The following GLYATL3 variants were observed in gnomAD, a reference collection of about 807,000 sequenced individuals.
GLYATL3 encodes the protein glycine-N-acyltransferase like 3, also known as glycine N-acyltransferase-like protein 3.
A neutral mutation model predicts 28.5 loss-of-function variants in GLYATL3; 31 were observed. The observed-to-expected ratio is 1.09, with a 90% CI of 0.82 to 1.47. GLYATL3 has a LOEUF of 1.47. Among genes scored for constraint, GLYATL3 ranks in the 40% most tolerant of loss-of-function variants. GLYATL3 has a pLI of 0.00. For missense variants in GLYATL3, 369 were observed against 351.5 expected (o/e 1.05, Z -0.40); for synonymous variants, 141 against 140.2 (o/e 1.01, Z -0.04).
At chr6:49,507,492 A>G (rs1283991004) in intron 1 of GLYATL3, among the ~76,000 whole-genome samples, 1 of 152,200 alleles carries the variant, frequency 6.6e-6, no homozygotes, top group Non-Finnish European at 1.5e-5. Context: ...AAGACAGATA[A>G]GCCTGGTGTT....
In GLYATL3 at chr6:49,517,459, T is replaced by C; in HGVS notation, c.216T>C (p.Thr72=). ...EAETDNLDHY[T]NAYAVFYKDV... Reference sequence around the variant, plus strand: ...AGACAGATAACCTTGATCATTATACTAATGCCTATGCTGTGTTCTACAAGG... The same window carrying C: ...AGACAGATAACCTTGATCATTATACCAATGCCTATGCTGTGTTCTACAAGG... The change falls in exon 4 of 6, where the codon ACT becomes ACC. Residue 72 remains threonine, a synonymous_variant. Coordinates refer to ENST00000371197, the MANE Select transcript of GLYATL3 (RefSeq NM_001010904.2). 1 of 1,546,768 alleles carries C rather than the reference T, an allele frequency of 6.5e-7. No homozygotes were observed. The highest frequency in any genetic ancestry group is 2.5e-5 in the East Asian group (1 of 40,634).
At chr6:49,514,613 T>G (rs1769179911) in intron 2 of GLYATL3, among the ~76,000 whole-genome samples, 1 of 152,218 alleles carries the variant, frequency 6.6e-6, no homozygotes, top group Non-Finnish European at 1.5e-5. Context: ...GGAGGATCAC[T>G]TGAACCCAGG....
At chr6:49,526,451 C>G in intron 5 of GLYATL3, 37 bp from the exon 6 acceptor site, 1 of 1,512,452 alleles carries the variant, frequency 6.6e-7, no homozygotes, top group Non-Finnish European at 9.0e-7. Context: ...CCACATGAGT[C>G]TGAGGTCCTA....
chr6:49,517,433 G>T lies in GLYATL3; in HGVS notation c.190G>T (p.Glu64Ter). 1.3e-6 allele frequency: 2 copies of T among 1,539,384 alleles called. No homozygotes were observed. The highest frequency in any genetic ancestry group is 1.8e-6 in the Non-Finnish European group (2 of 1,141,504). ...GTGATTATGTCTTCTGTCCTAGGCT[G>T]AGACAGATAACCTTGATCATTATAC... is the stretch of plus-strand genomic sequence containing the variant. Reference protein sequence around the residue: ...AVITRRQREAETDNLDHYTNA... With the variant: ...AVITRRQREA The change falls in exon 4 of 6, where the codon GAG becomes TAG. Residue 64 changes from glutamate (E) to a stop codon, truncating the protein, a stop_gained. Coordinates refer to ENST00000371197, the MANE Select transcript of GLYATL3 (RefSeq NM_001010904.2). LOFTEE classifies it high-confidence loss of function.
intron 1 of GLYATL3, among the ~76,000 whole-genome samples, chr6:49,501,492 A>C (rs1157183075): frequency 1.3e-5 from 2 of 152,198 alleles, no homozygotes; most frequent in African/African-American, 2.4e-5. Flanking sequence ...TTATGAGGTG[A>C]GATGGTCACA....
chr6:49,509,948 CTCTTTCTTTCTTTCTTTCTTTCTTTCTT>C (rs71540239), intron 1 of GLYATL3, among the ~76,000 whole-genome samples: 8 of 100,166 alleles, frequency 8.0e-5, no homozygotes, highest in South Asian at 3.4e-4. Flanking sequence ...TATTTTCTTT[CTCTTTCTTTCTTTCTTTCTTTCTTTCTT>C]TCTTTCTTTC....
intron 5 of GLYATL3, among the ~76,000 whole-genome samples, chr6:49,522,533 T>C (rs561319088): frequency 1.3e-4 from 20 of 152,282 alleles, no homozygotes; most frequent in African/African-American, 4.8e-4. Flanking sequence ...ATTCATGGGG[T>C]ACAATGTGAT....
chr6:49,520,230 TC>T (rs1769290253), intron 4 of GLYATL3, among the ~76,000 whole-genome samples: 1 of 115,942 alleles, frequency 8.6e-6, no homozygotes, highest in Non-Finnish European at 1.7e-5. Context: ...ACTGAAAGAA[TC>T]AAAGAGTGGG....
At position 49,503,514 on chromosome 6, in the gene GLYATL3, T is replaced by C. The variant is rs189509529; in HGVS notation, c.-29+3472T>C. ...GGGAGGGTTGTCACTACTTTTTTGA[T>C]AAGTAATATCATAGAGAAAGTGTTG... On this transcript the variant is annotated intron_variant, in intron 1 of 5. Transcript: ENST00000371197. Among the ~76,000 whole-genome samples the C allele has an allele frequency of 6.2e-4, 94 of 152,386 alleles. 1 individual carries two copies. The East Asian group carries it at 0.016, about 27-fold the overall frequency.
intron 1 of GLYATL3, among the ~76,000 whole-genome samples, chr6:49,509,263 C>T (rs1769070778): frequency 6.6e-6 from 1 of 152,114 alleles, no homozygotes; most frequent in African/African-American, 2.4e-5. Context: ...AACATTGTTC[C>T]AAGTAGAAAT....
At position 49,499,970 on chromosome 6, in the gene GLYATL3, A is replaced by G. The variant is rs1442291302; in HGVS notation, c.-101A>G. 1 of 151,852 alleles carries G rather than the reference A, an allele frequency of 6.6e-6. No homozygotes were observed. Among genetic ancestry groups the G allele is most frequent in the Non-Finnish European group, 1.5e-5 (1 of 67,978 alleles). 9.4% of individuals were successfully genotyped at this position (151,852 alleles called of 1,614,324 possible). On this transcript the variant is annotated 5_prime_UTR_variant, in exon 1 of 6. Coordinates refer to ENST00000371197, the MANE Select transcript of GLYATL3 (RefSeq NM_001010904.2). ...AGAGGTAGCCTTGAAGAATAAACTTACCATTTATATAAAAGGGCTACTGGA... is the reference window on the plus strand; with the variant it reads ...AGAGGTAGCCTTGAAGAATAAACTTGCCATTTATATAAAAGGGCTACTGGA...
At chr6:49,516,671 G>A (rs914535575) in intron 3 of GLYATL3, among the ~76,000 whole-genome samples, 1 of 152,070 alleles carries the variant, frequency 6.6e-6, no homozygotes, top group African/African-American at 2.4e-5. Flanking sequence ...GCTTGTGCCT[G>A]TAGTCCCACC....
Position 49,507,877 on chromosome 6 carries a change from C to T in GLYATL3, c.-28-4086C>T, listed in dbSNP as rs540454345. 9.9e-5 allele frequency among the ~76,000 whole-genome samples: 15 copies of T among 151,886 alleles called. No homozygotes were observed. In the East Asian group the frequency reaches 1.4e-3, roughly 14 times the overall value. ...CATTTCTTATTAAGTTTAGTGAGGG[C>T]GGGGGTAGGTTAGTGAGGAATTTAG... On this transcript the variant is annotated intron_variant, in intron 1 of 5. Transcript: ENST00000371197.
At chr6:49,508,489 TAA>T (rs969791251) in intron 1 of GLYATL3, among the ~76,000 whole-genome samples, 4 of 152,178 alleles carry the variant, frequency 2.6e-5, no homozygotes, top group African/African-American at 9.7e-5. Flanking sequence ...GCCTTAACCC[TAA>T]AGAGGCCTAG....
rs910245392 is a variant in GLYATL3, at chr6:49,512,150, T to C, written c.78+82T>C. On this transcript the variant is annotated intron_variant, in intron 2 of 5. Coordinates refer to ENST00000371197, the MANE Select transcript of GLYATL3 (RefSeq NM_001010904.2). Reference sequence around the variant, plus strand: ...ATGTCAAACTTGTGGCTATTTTCCTTTTTTTCTGATAATAAGACTCTCTAG... The same window carrying C: ...ATGTCAAACTTGTGGCTATTTTCCTCTTTTTCTGATAATAAGACTCTCTAG... The C allele has an allele frequency of 2.5e-5, 17 of 690,344 alleles. No homozygotes were observed. The East Asian group carries it at 4.2e-4, about 17-fold the overall frequency. The allele number at this position is 690,344 out of a possible 1,614,324, so 42.8% of individuals were successfully genotyped here.
intron 1 of GLYATL3, among the ~76,000 whole-genome samples, chr6:49,508,508 T>C (rs542274789): frequency 6.6e-6 from 1 of 152,334 alleles, no homozygotes; most frequent in South Asian, 2.1e-4. Context: ...CTAGAAGAGC[T>C]GTGCAAGATG....
Position 49,523,435 on chromosome 6 carries a change from C to G in GLYATL3, c.440+1664C>G, listed in dbSNP as rs184781595. On this transcript the variant is annotated intron_variant, in intron 5 of 5. Coordinates refer to ENST00000371197, the MANE Select transcript of GLYATL3 (RefSeq NM_001010904.2). Reference sequence around the variant, plus strand: ...TATTGGCAGCATCCTCTGCCTAGCACAGACTGATTTCCTAGACTCGCAGAA... The same window carrying G: ...TATTGGCAGCATCCTCTGCCTAGCAGAGACTGATTTCCTAGACTCGCAGAA... Among the ~76,000 whole-genome samples, 439 of 152,304 alleles carry G rather than the reference C, an allele frequency of 2.9e-3. 1 individual carries two copies. The highest frequency in any genetic ancestry group is 6.9e-3 in the African/African-American group (286 of 41,556).
intron 4 of GLYATL3, 114 bp downstream of exon 4, chr6:49,517,670 CCT>C (rs1384462286): frequency 2.8e-6 from 2 of 722,758 alleles, no homozygotes. Flanking sequence ...TCTATACACA[CCT>C]GTATGTATAA....
chr6:49,512,201 C>T, intron 2 of GLYATL3, 133 bp downstream of exon 2: 1 of 458,986 alleles, frequency 2.2e-6, no homozygotes, highest in Non-Finnish European at 3.8e-6. Flanking sequence ...ATACAGCTTC[C>T]CAGCTCCCTC....
Sources: gnomAD v4.1 joint callset for allele counts (sites outside exome capture counted in the v4.1 genomes callset) on GRCh38, gnomAD v4.1.1 for gene constraint, MANE v1.5 for transcripts, NCBI Gene and HGNC (gene_info 2026-07-23, HGNC 2026-07-21) for gene names.